The following COL21A1 variants were observed in gnomAD, a reference collection of about 807,000 sequenced individuals.
COL21A1 encodes the protein collagen alpha-1(XXI) chain.
A neutral mutation model predicts 137.9 loss-of-function variants in COL21A1; 149 were observed. The observed-to-expected ratio is 1.08, with a 90% CI of 0.95 to 1.24. The LOEUF (loss-of-function observed/expected upper bound fraction) is 1.24. Among genes scored for constraint, COL21A1 ranks in the 50% most tolerant of loss-of-function variants. The pLI is 0.00. For missense variants in COL21A1, 1,167 were observed against 1,158.4 expected (o/e 1.01, Z -0.11); for synonymous variants, 456 against 391.5 (o/e 1.16, Z -1.95).
chr6:56,307,507 T>C (rs1010807897), intron 1 of COL21A1, among the ~76,000 whole-genome samples: 9 of 152,162 alleles, frequency 5.9e-5, no homozygotes, highest in Admixed American at 1.3e-4. Context: ...TCCGTGGGCG[T>C]AGGACCCTCC....
At chr6:56,363,768 C>G (rs1766030833) in intron 1 of COL21A1, among the ~76,000 whole-genome samples, 1 of 56,156 alleles carries the variant, frequency 1.8e-5, no homozygotes, top group South Asian at 7.5e-4. Context: ...TCTGACTGGA[C>G]AACCCAAAAT....
At chr6:56,296,469 C>G (rs934310212) in intron 1 of COL21A1, among the ~76,000 whole-genome samples, 1 of 151,892 alleles carries the variant, frequency 6.6e-6, no homozygotes, top group Non-Finnish European at 1.5e-5. Context: ...CTCCAATTAC[C>G]TCATATCTAT....
At chr6:56,392,561 T>C (rs911046261) in intron 1 of COL21A1, among the ~76,000 whole-genome samples, 3 of 152,134 alleles carry the variant, frequency 2.0e-5, no homozygotes, top group African/African-American at 7.2e-5. Flanking sequence ...CCTATCCGTA[T>C]TTGCAGATAA....
At chr6:56,374,340 G>A (rs2093995462) in intron 1 of COL21A1, among the ~76,000 whole-genome samples, 1 of 152,088 alleles carries the variant, frequency 6.6e-6, no homozygotes, top group South Asian at 2.1e-4. Flanking sequence ...ATGCCAAGCT[G>A]CAAATAATTG....
chr6:56,269,406 AGCACTTTGGGAGGCCGAGGCGGG>A (rs1763469008), intron 1 of COL21A1, among the ~76,000 whole-genome samples: 2 of 152,132 alleles, frequency 1.3e-5, no homozygotes, highest in Non-Finnish European at 2.9e-5. Flanking sequence ...CTGTAATCCC[AGCACTTTGGGAGGCCGAGGCGGG>A]CGGATCACGA....
Position 56,057,529 on chromosome 6 carries a change from G to GAA in COL21A1, c.*126_*127dup. 15 of 782,346 alleles carry GAA rather than the reference G, an allele frequency of 1.9e-5. No homozygotes were observed. Among genetic ancestry groups the GAA allele is most frequent in the South Asian group, 3.6e-5 (2 of 55,612 alleles). 48.5% of individuals were successfully genotyped at this position (782,346 alleles called of 1,614,324 possible). A position where few individuals can be genotyped will look rare whatever the true frequency, so the allele number is the denominator to read the frequency against. ...TGATCTTTTATATTTTTTTCCATAA[G>GAA]AAAAAAAAAATAAAAACACCGAGGT... On this transcript the variant is annotated 3_prime_UTR_variant, in exon 30 of 30. Coordinates refer to ENST00000244728, the MANE Select transcript of COL21A1 (RefSeq NM_030820.4).
chr6:56,085,634 T>C (rs10807507), intron 17 of COL21A1, among the ~76,000 whole-genome samples: 23,066 of 151,966 alleles, frequency 0.15, 1,783 homozygotes, highest in Middle Eastern at 0.22. Flanking sequence ...TTCCTCTTTT[T>C]GATCTACTTG....
intron 16 of COL21A1, among the ~76,000 whole-genome samples, chr6:56,120,412 G>T (rs866807753): frequency 6.6e-6 from 1 of 152,216 alleles, no homozygotes; most frequent in Non-Finnish European, 1.5e-5. Context: ...TGCTGGTGAG[G>T]ATGTGGAGAA....
intron 1 of COL21A1, among the ~76,000 whole-genome samples, chr6:56,288,855 AT>A (rs1258553217): frequency 2.6e-5 from 4 of 152,220 alleles, no homozygotes; most frequent in Non-Finnish European, 5.9e-5. Flanking sequence ...ACTCATAGCA[AT>A]GATTTTAAAG....
In COL21A1 at chr6:56,078,485, T is replaced by C. The variant is rs114281295; in HGVS notation, c.1813-912A>G. On this transcript the variant is annotated intron_variant, in intron 17 of 29. Coordinates refer to ENST00000244728, the MANE Select transcript of COL21A1 (RefSeq NM_030820.4). ...CACATCTGTATGACTTTGCAAACCC[T>C]CTGCACTAGCAGGCCTTCCAAAGGA... 4.6e-3 allele frequency among the ~76,000 whole-genome samples: 702 copies of C among 151,746 alleles called. 7 individuals carry two copies. Among genetic ancestry groups the C allele is most frequent in the African/African-American group, 0.016 (651 of 41,486 alleles).
chr6:56,119,463 T>G (rs1403096779), intron 16 of COL21A1, among the ~76,000 whole-genome samples: 2 of 152,180 alleles, frequency 1.3e-5, no homozygotes, highest in African/African-American at 4.8e-5. Flanking sequence ...GAATCAATAT[T>G]GTTTAAATGT....
At chr6:56,326,609 T>C (rs564544838) in intron 1 of COL21A1, among the ~76,000 whole-genome samples, 56 of 152,100 alleles carry the variant, frequency 3.7e-4, no homozygotes, top group African/African-American at 1.3e-3. Flanking sequence ...AAAATAACAG[T>C]CATGTTTTTC....
At chr6:56,059,528 A>G (rs1765610711) in intron 28 of COL21A1, among the ~76,000 whole-genome samples, 1 of 152,214 alleles carries the variant, frequency 6.6e-6, no homozygotes, top group Admixed American at 6.5e-5. Flanking sequence ...TTTATGAAAC[A>G]TCTAAATTGC....
intron 21 of COL21A1, 74 bp from the exon 22 acceptor site, chr6:56,069,191 A>G (rs1256381422): frequency 4.8e-6 from 4 of 840,276 alleles, no homozygotes; most frequent in Non-Finnish European, 5.4e-6. Flanking sequence ...TTATCTCTAC[A>G]TATCTCAATT....
chr6:56,105,637 T>C (rs1770820007), intron 16 of COL21A1, among the ~76,000 whole-genome samples: 1 of 152,164 alleles, frequency 6.6e-6, no homozygotes, highest in African/African-American at 2.4e-5. Flanking sequence ...GAATTTTCAT[T>C]GGTTGTTGTT....
chr6:56,249,497 G>C (rs745777548), upstream of COL21A1, among the ~76,000 whole-genome samples: 4 of 152,122 alleles, frequency 2.6e-5, no homozygotes, highest in Non-Finnish European at 4.4e-5. Flanking sequence ...GATAAGAAAA[G>C]TGTTATATCG....
intron 1 of COL21A1, among the ~76,000 whole-genome samples, chr6:56,211,416 T>C (rs1354458943): frequency 6.6e-6 from 1 of 151,972 alleles, no homozygotes; most frequent in East Asian, 1.9e-4. Context: ...TAAACCTTTT[T>C]AATAGTTGGA....
At chr6:56,393,275 T>G (rs1379627838) in intron 1 of COL21A1, among the ~76,000 whole-genome samples, 1 of 152,180 alleles carries the variant, frequency 6.6e-6, no homozygotes, top group African/African-American at 2.4e-5. Flanking sequence ...TAAATGGTAC[T>G]GGAAAAACTG....
At chr6:56,272,873 G>T (rs1763560693) in intron 1 of COL21A1, among the ~76,000 whole-genome samples, 1 of 152,158 alleles carries the variant, frequency 6.6e-6, no homozygotes. Context: ...ATGGAACTGT[G>T]TGTCAATTAA....
Sources: gnomAD v4.1 joint callset for allele counts (sites outside exome capture counted in the v4.1 genomes callset) on GRCh38, gnomAD v4.1.1 for gene constraint, MANE v1.5 for transcripts, NCBI Gene and HGNC (gene_info 2026-07-23, HGNC 2026-07-21) for gene names.